Variants in CCDC201 observed in about 807,000 individuals in gnomAD.
The protein encoded by CCDC201 is coiled-coil domain containing 201, also known as coiled-coil domain-containing protein 201.
chr7:45,885,051 G>C, the CCDC201 span, among the ~76,000 whole-genome samples: 1 of 152,238 alleles, frequency 6.6e-6, no homozygotes, highest in South Asian at 2.1e-4. Context: ...CAGGAGGTGG[G>C]GGATATCAGG....
upstream of CCDC201, among the ~76,000 whole-genome samples, chr7:45,873,568 C>T (rs1176424371): frequency 1.3e-5 from 2 of 152,166 alleles, no homozygotes; most frequent in Non-Finnish European, 2.9e-5. Flanking sequence ...AGCCCCAGTT[C>T]CTGATTGGGC....
the CCDC201 span, among the ~76,000 whole-genome samples, chr7:45,878,388 C>G: frequency 5.9e-5 from 9 of 152,252 alleles, no homozygotes; most frequent in Admixed American, 5.2e-4. Flanking sequence ...TAAATGTTCT[C>G]CATGAAGGCT....
intron 2 of CCDC201, among the ~76,000 whole-genome samples, chr7:45,863,713 G>A (rs1786630678): frequency 6.6e-6 from 1 of 152,154 alleles, no homozygotes; most frequent in Non-Finnish European, 1.5e-5. Flanking sequence ...ATTTTGGGTG[G>A]CTGAGTCAGA....
the CCDC201 span, among the ~76,000 whole-genome samples, chr7:45,881,098 C>T: frequency 6.6e-6 from 1 of 152,330 alleles, no homozygotes; most frequent in African/African-American, 2.4e-5. Context: ...TCGTGACTTT[C>T]CTGAAGCCCA....
chr7:45,872,811 ACAGGCCACCAGGAC>A (rs890756261), intron 1 of CCDC201, among the ~76,000 whole-genome samples, 165 bp downstream of exon 1: 9 of 152,136 alleles, frequency 5.9e-5, no homozygotes, highest in Non-Finnish European at 1.2e-4. Context: ...TGCCCAACCC[ACAGGCCACCAGGAC>A]CAGGCCACAG....
chr7:45,868,436 G>C (rs1786702732), intron 1 of CCDC201, among the ~76,000 whole-genome samples: 1 of 152,162 alleles, frequency 6.6e-6, no homozygotes, highest in Non-Finnish European at 1.5e-5. Context: ...CAGTGTGGGA[G>C]AACCCCACAA....
chr7:45,881,717 T>A, the CCDC201 span, among the ~76,000 whole-genome samples: 11 of 152,290 alleles, frequency 7.2e-5, no homozygotes, highest in African/African-American at 2.6e-4. Flanking sequence ...CCCAACCCAC[T>A]GCACCCTGAA....
intron 1 of CCDC201, among the ~76,000 whole-genome samples, chr7:45,867,629 G>A (rs1786692163): frequency 6.6e-6 from 1 of 152,200 alleles, no homozygotes; most frequent in African/African-American, 2.4e-5. Flanking sequence ...ATGTACCTAG[G>A]AGAGACTCAA....
At chr7:45,883,159 A>C in the CCDC201 span, among the ~76,000 whole-genome samples, 10 of 152,176 alleles carry the variant, frequency 6.6e-5, no homozygotes, top group Non-Finnish European at 1.3e-4. Flanking sequence ...TGTCCTGTGA[A>C]ATTGGATTCA....
chr7:45,869,774 A>G (rs1366278881), intron 1 of CCDC201, among the ~76,000 whole-genome samples: 2 of 151,852 alleles, frequency 1.3e-5, no homozygotes, highest in Non-Finnish European at 2.9e-5. Flanking sequence ...GAAGAATAGT[A>G]CAGGCAAGCT....
chr7:45,867,065 A>G (rs1000594389), intron 1 of CCDC201, among the ~76,000 whole-genome samples: 2 of 152,192 alleles, frequency 1.3e-5, no homozygotes, highest in Admixed American at 1.3e-4. Flanking sequence ...TAAGTGAATC[A>G]TGCTCCTGCA....
chr7:45,873,419 G>A (rs1368686498), upstream of CCDC201, among the ~76,000 whole-genome samples: 1 of 149,924 alleles, frequency 6.7e-6, no homozygotes, highest in Non-Finnish European at 1.5e-5. Context: ...GTCAAGAAAA[G>A]AGGACCCACA....
At chr7:45,864,100 G>A (rs1015670060) in intron 2 of CCDC201, among the ~76,000 whole-genome samples, 3 of 152,276 alleles carry the variant, frequency 2.0e-5, no homozygotes, top group East Asian at 1.9e-4. Context: ...GTTTATGTCC[G>A]TCCACAGAGG....
chr7:45,882,524 G>C, the CCDC201 span, among the ~76,000 whole-genome samples: 1 of 152,156 alleles, frequency 6.6e-6, no homozygotes, highest in African/African-American at 2.4e-5. Flanking sequence ...CCCCTTCAAG[G>C]GCTAACACAA....
chr7:45,879,033 ATC>A, the CCDC201 span, among the ~76,000 whole-genome samples: 1 of 152,212 alleles, frequency 6.6e-6, no homozygotes, highest in Non-Finnish European at 1.5e-5. Flanking sequence ...ACCTTAAATC[ATC>A]TCTCTCAAGT....
At chr7:45,879,133 A>G in the CCDC201 span, among the ~76,000 whole-genome samples, 1 of 152,288 alleles carries the variant, frequency 6.6e-6, no homozygotes, top group East Asian at 1.9e-4. Flanking sequence ...TCCAATTCCA[A>G]ATAAGTTCCT....
At chr7:45,884,026 TCTTC>T in the CCDC201 span, among the ~76,000 whole-genome samples, 109 of 147,406 alleles carry the variant, frequency 7.4e-4, no homozygotes, top group Admixed American at 1.6e-3. Flanking sequence ...TCTCTCTCTT[TCTTC>T]CTTCCTTCCT....
At chr7:45,880,731 G>A in the CCDC201 span, among the ~76,000 whole-genome samples, 9 of 152,354 alleles carry the variant, frequency 5.9e-5, no homozygotes, top group East Asian at 3.9e-4. Flanking sequence ...AGTGCTTGCC[G>A]CCGTGTTGTA....
At chr7:45,883,732 C>T in the CCDC201 span, among the ~76,000 whole-genome samples, 108 of 152,326 alleles carry the variant, frequency 7.1e-4, 1 homozygote, top group African/African-American at 2.5e-3. Context: ...CCATACTCCC[C>T]TTCCTGATGT....
Sources: allele counts gnomAD v4.1 joint callset (sites outside exome capture counted in the v4.1 genomes callset), GRCh38; gene constraint gnomAD v4.1.1; transcripts MANE v1.5; gene names NCBI Gene and HGNC (gene_info 2026-07-23, HGNC 2026-07-21).